TRAPPC9: variants seen among roughly 807,000 people sequenced by gnomAD.
TRAPPC9 encodes the protein trafficking protein particle complex subunit 9, also known as IKK2 binding protein.
A neutral mutation model predicts 124.0 loss-of-function variants in TRAPPC9; 83 were observed. That is an observed-to-expected ratio of 0.67 (90% CI 0.56 to 0.80). TRAPPC9 has a LOEUF of 0.80. Among genes scored for constraint, TRAPPC9 ranks in the 30% least tolerant of loss-of-function variants. The pLI is 0.00. For synonymous variants in TRAPPC9, 638 were observed against 617.5 expected (o/e 1.03, Z -0.49); for missense variants, 1,302 against 1,508.3 (o/e 0.86, Z 2.27).
intron 17 of TRAPPC9, among the ~76,000 whole-genome samples, chr8:140,038,516 C>T (rs1286219433): frequency 2.6e-5 from 4 of 152,226 alleles, no homozygotes; most frequent in East Asian, 1.9e-4. Context: ...CAGCGAACAA[C>T]GCATTGACAC....
At chr8:140,383,779 C>A (rs1424698814) in intron 7 of TRAPPC9, among the ~76,000 whole-genome samples, 6 of 152,170 alleles carry the variant, frequency 3.9e-5, no homozygotes, top group Non-Finnish European at 2.9e-5. Flanking sequence ...CCTAGCAAAG[C>A]AGGCCAACAT....
At chr8:140,424,405 C>A (rs2070351048) in intron 5 of TRAPPC9, among the ~76,000 whole-genome samples, 1 of 150,332 alleles carries the variant, frequency 6.7e-6, no homozygotes, top group African/African-American at 2.4e-5. Context: ...CTTTGGGAGG[C>A]AAAGGTGAGA....
chr8:140,020,842 G>T (rs1172340567), intron 18 of TRAPPC9, among the ~76,000 whole-genome samples: 3 of 152,076 alleles, frequency 2.0e-5, no homozygotes, highest in Admixed American at 2.0e-4. Context: ...AGTTTCATTT[G>T]ATCATTATGT....
At chr8:139,999,721 C>G (rs1838266958) in intron 18 of TRAPPC9, among the ~76,000 whole-genome samples, 1 of 152,150 alleles carries the variant, frequency 6.6e-6, no homozygotes, top group Non-Finnish European at 1.5e-5. Flanking sequence ...AGTATCTTCT[C>G]TGACCAAAAC....
At chr8:139,796,460 C>T (rs997938536) in intron 21 of TRAPPC9, among the ~76,000 whole-genome samples, 10 of 152,266 alleles carry the variant, frequency 6.6e-5, no homozygotes, top group Admixed American at 2.6e-4. Flanking sequence ...CATGTGTCTA[C>T]GAATTTGTCA....
chr8:140,127,784 G>A (rs768378817), intron 17 of TRAPPC9, among the ~76,000 whole-genome samples: 9 of 152,226 alleles, frequency 5.9e-5, no homozygotes, highest in South Asian at 4.1e-4. Context: ...AAACTAGCAT[G>A]AGACTAAAAC....
intron 17 of TRAPPC9, among the ~76,000 whole-genome samples, chr8:140,041,204 A>G (rs549090236): frequency 1.3e-5 from 2 of 152,308 alleles, no homozygotes; most frequent in African/African-American, 4.8e-5. Flanking sequence ...CCCTGGACCC[A>G]TGAAGAAGGG....
intron 7 of TRAPPC9, among the ~76,000 whole-genome samples, chr8:140,372,998 A>G (rs577951469): frequency 2.0e-5 from 3 of 152,314 alleles, no homozygotes; most frequent in Admixed American, 6.5e-5. Flanking sequence ...CTCAGCCCCA[A>G]CCTGCTCTGG....
chr8:140,273,245 G>A (rs1461911449), intron 15 of TRAPPC9, among the ~76,000 whole-genome samples: 1 of 152,190 alleles, frequency 6.6e-6, no homozygotes, highest in Non-Finnish European at 1.5e-5. Context: ...TGCCAGCCCA[G>A]GGCAGGAGCT....
Position 139,934,758 on chromosome 8 carries a change from G to A in TRAPPC9, c.2811-24458C>T, listed in dbSNP as rs531439846. On this transcript the variant is annotated intron_variant, in intron 19 of 22. Transcript: ENST00000438773. ...AGACACATGGGGCCCAATCGCAAGG[G>A]TTCCTCGGTCAGTGTTCGCTCAGAT... 4.6e-5 allele frequency among the ~76,000 whole-genome samples: 7 copies of A among 152,296 alleles called. No individual in the cohort carries two copies. In the South Asian group the frequency reaches 1.2e-3, roughly 27 times the overall value.
chr8:139,878,899 A>G (rs1361539007), intron 21 of TRAPPC9, among the ~76,000 whole-genome samples: 2 of 152,266 alleles, frequency 1.3e-5, no homozygotes, highest in African/African-American at 4.8e-5. Flanking sequence ...GCAGTGAGCT[A>G]TGATTGCACC....
At chr8:139,957,572 G>A (rs562099085) in intron 19 of TRAPPC9, among the ~76,000 whole-genome samples, 41 of 152,272 alleles carry the variant, frequency 2.7e-4, no homozygotes, top group Admixed American at 2.4e-3. Context: ...CGCCTGGCAC[G>A]TGTGCTCAGT....
chr8:140,358,109 C>T lies in TRAPPC9; in HGVS notation c.1495+1941G>A, dbSNP rs575235490. ...CTCTTAGAGATGGCCGTGGAAATCA[C>T]TGTAGGGAAATCAATGTTTCCTTTA... On this transcript the variant is annotated intron_variant, in intron 9 of 22. Coordinates refer to ENST00000438773, the MANE Select transcript of TRAPPC9 (RefSeq NM_001160372.4). 2.0e-5 allele frequency among the ~76,000 whole-genome samples: 3 copies of T among 152,356 alleles called. No individual in the cohort carries two copies. In the South Asian group the frequency reaches 6.2e-4, roughly 32 times the overall value.
At chr8:140,015,177 T>C (rs1839383396) in intron 18 of TRAPPC9, among the ~76,000 whole-genome samples, 1 of 149,680 alleles carries the variant, frequency 6.7e-6, no homozygotes, top group Admixed American at 6.6e-5. Flanking sequence ...CGCACTGGCA[T>C]GTATGTGGCC....
intron 5 of TRAPPC9, among the ~76,000 whole-genome samples, chr8:140,422,469 A>G (rs1186569308): frequency 6.6e-6 from 1 of 152,194 alleles, no homozygotes; most frequent in Non-Finnish European, 1.5e-5. Flanking sequence ...AAAAACTGTT[A>G]CTAGCCAGGT....
intron 19 of TRAPPC9, among the ~76,000 whole-genome samples, chr8:139,917,061 C>T (rs899345274): frequency 6.6e-5 from 10 of 151,662 alleles, no homozygotes; most frequent in Non-Finnish European, 1.3e-4. Flanking sequence ...AAGGAAACGG[C>T]GTGAACACGG....
At chr8:140,246,560 A>G (rs371783012) in intron 16 of TRAPPC9, among the ~76,000 whole-genome samples, 2 of 152,234 alleles carry the variant, frequency 1.3e-5, no homozygotes, top group African/African-American at 4.8e-5. Flanking sequence ...CTAGTTCAAA[A>G]CTAGATTCAG....
intron 8 of TRAPPC9, 29 bp downstream of exon 8, chr8:140,370,935 C>T (rs779099924): frequency 7.4e-6 from 12 of 1,612,212 alleles, no homozygotes; most frequent in South Asian, 1.1e-5. Flanking sequence ...GAAAGCAACA[C>T]CTTAGCGCCA....
chr8:139,821,288 A>G (rs1825235487), intron 21 of TRAPPC9, among the ~76,000 whole-genome samples: 2 of 152,256 alleles, frequency 1.3e-5, no homozygotes, highest in African/African-American at 4.8e-5. Context: ...CATTCGGTGG[A>G]TGGCAAATGG....
Sources: allele counts gnomAD v4.1 joint callset (sites outside exome capture counted in the v4.1 genomes callset), GRCh38; gene constraint gnomAD v4.1.1; transcripts MANE v1.5; gene names NCBI Gene and HGNC (gene_info 2026-07-23, HGNC 2026-07-21).